Variants in MMP19 observed in about 807,000 individuals in gnomAD.
MMP19 encodes the protein matrix metalloproteinase-19.
Under a neutral mutation model 46.6 loss-of-function variants are expected in MMP19, and 47 were observed. The observed-to-expected ratio is 1.01, with a 90% confidence interval of 0.80 to 1.29. The LOEUF (loss-of-function observed/expected upper bound fraction) is 1.29, where lower values mean the gene tolerates loss of function less well. MMP19 is among the 50% of genes most tolerant of loss of function. The probability of loss-of-function intolerance (pLI) is 0.00; values close to 1 mark genes in which losing one functional copy is unlikely to be tolerated. For missense variants in MMP19, 589 were observed against 643.5 expected (o/e 0.92, Z 0.92); for synonymous variants, 222 against 248.5 (o/e 0.89, Z 1.00).
chr12:55,841,321 C>G, intron 2 of MMP19, 85 bp from the exon 3 acceptor site: 1 of 1,495,208 alleles, frequency 6.7e-7, no homozygotes, highest in Non-Finnish European at 9.2e-7. Flanking sequence ...TCCTGCTGCC[C>G]AAGTTCATGG....
chr12:55,841,510 T>TCCTTC (rs149118412), intron 2 of MMP19: 4 of 187,938 alleles, frequency 2.1e-5, no homozygotes, highest in South Asian at 3.4e-4. Flanking sequence ...TCTACTGCAA[T>TCCTTC]CTTCCTTCCT....
rs1278679742 is a variant in MMP19 at position 55,840,678 on chromosome 12, A to G, written c.509T>C (p.Phe170Ser). ...GAACTGTTGCCTACCAGGCCCATCAAAAGTATTGGAACAGTACGAGCTTTG... is the reference window on the plus strand; with the variant it reads ...GAACTGTTGCCTACCAGGCCCATCAGAAGTATTGGAACAGTACGAGCTTTG... ...GRQSSYCSNTFDGPGRVLAHA... is the reference protein window; with the variant it reads ...GRQSSYCSNTSDGPGRVLAHA... The change falls in exon 4 of 9, where the codon TTT becomes TCT. Residue 170 changes from phenylalanine (F) to serine (S), a missense_variant. Phe to Ser is a radical substitution (Grantham distance 155, BLOSUM62 -2). Transcript: ENST00000322569. 2 of 1,613,330 alleles carry G rather than the reference A, an allele frequency of 1.2e-6. No individual in the cohort carries two copies. The highest frequency in any genetic ancestry group is 2.2e-5 in the East Asian group (1 of 44,868).
In MMP19 at chr12:55,839,617, G is replaced by T; in HGVS notation, c.645C>A (p.Gly215=). 6.2e-7 allele frequency: 1 copy of T among 1,614,242 alleles called. No homozygotes were observed. Among genetic ancestry groups the T allele is most frequent in the Non-Finnish European group, 8.5e-7 (1 of 1,180,040 alleles). ...NLRIIAAHEV[G]HALGLGHSRY... Reference sequence around the variant, plus strand: ...GGGAGTGCCCAAGCCCCAGAGCATGGCCCACTTCATGGGCTGCAATGATGC... The same window carrying T: ...GGGAGTGCCCAAGCCCCAGAGCATGTCCCACTTCATGGGCTGCAATGATGC... Residue 215 remains glycine (G), a synonymous_variant, in exon 5 of 9, where the codon GGC becomes GGA. Transcript: ENST00000322569.
intron 6 of MMP19, chr12:55,838,298 C>T: frequency 1.6e-6 from 1 of 637,560 alleles, no homozygotes; most frequent in Non-Finnish European, 2.7e-6. Context: ...AGTTGTCCTT[C>T]CAACCAGGTG....
rs1881514270 is a variant in MMP19, at chr12:55,839,487, G to A, written c.766+9C>T. The A allele has an allele frequency of 6.3e-7, 1 of 1,598,872 alleles. No homozygotes were observed. The highest frequency in any genetic ancestry group is 8.6e-7 in the Non-Finnish European group (1 of 1,168,884). On this transcript the variant is annotated intron_variant, in intron 5 of 8. Coordinates refer to ENST00000322569, the MANE Select transcript of MMP19 (RefSeq NM_002429.6). ...CTGACCCTCCCCCTCACTAGGGGGA[G>A]GGACTGACCATAGAGAGCCTGGATC...
rs934933719 is a variant in MMP19 at position 55,840,796 on chromosome 12, GA to G, written c.390del (p.Gln131LysfsTer12). ...ACATTGCTCCAGTCCTGGAAGGCTT[GA>G]CGCAGGGCTGCCCGGGCTGTGTGGG... is the stretch of plus-strand genomic sequence containing the variant. ...LPPHTARAAL[R>X]QAFQDWSNVA... On this transcript the variant is annotated frameshift_variant, in exon 4 of 9. Coordinates refer to ENST00000322569, the MANE Select transcript of MMP19 (RefSeq NM_002429.6). LOFTEE classifies it high-confidence loss of function. 4.3e-6 allele frequency: 7 copies of G among 1,613,254 alleles called. No individual in the cohort carries two copies. The highest frequency in any genetic ancestry group is 5.1e-6 in the Non-Finnish European group (6 of 1,179,286).
chr12:55,842,633 G>A (rs924909677), intron 1 of MMP19, 111 bp downstream of exon 1: 1 of 955,182 alleles, frequency 1.0e-6, no homozygotes, highest in South Asian at 1.4e-5. Context: ...GGGGCAGAGA[G>A]AGCAAGGGAA....
In MMP19 at chr12:55,837,133, A is replaced by G. The variant is rs1881277038; in HGVS notation, c.1430T>C (p.Ile477Thr). The change falls in exon 9 of 9, where the codon ATA becomes ACA. Residue 477 changes from isoleucine to threonine, a missense_variant. Physicochemically the swap from Ile to Thr is moderately conservative, Grantham distance 89 (BLOSUM62 -1). Coordinates refer to ENST00000322569, the MANE Select transcript of MMP19 (RefSeq NM_002429.6). Reference sequence around the variant, plus strand: ...ATTCCCACCTGATGGGGTAGTGTCTATAGTCCGGGGACGACAGTGCATCCA... The same window carrying G: ...ATTCCCACCTGATGGGGTAGTGTCTGTAGTCCGGGGACGACAGTGCATCCA... ...HNWMHCRPRTIDTTPSGGNTT... is the reference protein window; with the variant it reads ...HNWMHCRPRTTDTTPSGGNTT... 3 of 1,614,060 alleles carry G rather than the reference A, an allele frequency of 1.9e-6. No individual in the cohort carries two copies. Among genetic ancestry groups the G allele is most frequent in the East Asian group, 2.2e-5 (1 of 44,884 alleles).
In MMP19 at chr12:55,838,624, G is replaced by C; in HGVS notation, c.877C>G (p.Leu293Val). The change falls in exon 6 of 9, where the codon CTG becomes GTG. Residue 293 changes from leucine (L) to valine (V), a missense_variant. Physicochemically the swap from Leu to Val is conservative, Grantham distance 32 (BLOSUM62 1). Transcript: ENST00000322569. ...SPMPDPCSSE[L>V]DAMMLGPRGK... ...GCCTCACCCAGCATCATGGCATCCA[G>C]TTCACTACTGCAAGGGTCTGGCATG... 1 of 1,614,222 alleles carries C rather than the reference G, an allele frequency of 6.2e-7. No individual in the cohort carries two copies.
rs954786320 is a variant in MMP19, at chr12:55,836,210, A to T, written c.*826T>A. 1 of 152,224 alleles carries T rather than the reference A, an allele frequency of 6.6e-6. No homozygotes were observed. The highest frequency in any genetic ancestry group is 1.5e-5 in the Non-Finnish European group (1 of 68,040). 9.4% of individuals were successfully genotyped at this position (152,224 alleles called of 1,614,324 possible). ...GGCTACAATGGGAGGGAGGGAGAAC[A>T]TGGGAGCATGTGAATAAAATGGCAT... On this transcript the variant is annotated 3_prime_UTR_variant, in exon 9 of 9. Transcript: ENST00000322569.
Position 55,841,175 on chromosome 12 carries a change from G to C in MMP19, c.235C>G (p.Arg79Gly). The change falls in exon 3 of 9, where the codon CGC (arginine) becomes GGC (glycine). Residue 79 changes from arginine to glycine, a missense_variant. Transcript: ENST00000322569. ...SGQLDDATRA[R>G]MRQPRCGLED... ...AGGCCACAACGAGGCTGCCTCATGC[G>C]GGCCCTTGTGGCATCATCCAGCTGA... 1.9e-6 allele frequency: 3 copies of C among 1,613,880 alleles called. No homozygotes were observed. The highest frequency in any genetic ancestry group is 2.5e-6 in the Non-Finnish European group (3 of 1,179,988).
chr12:55,841,031 C>T, intron 3 of MMP19, 75 bp downstream of exon 3: 1 of 1,583,346 alleles, frequency 6.3e-7, no homozygotes, highest in African/African-American at 1.3e-5. Context: ...CTGGTCCAGA[C>T]TGTCCTAATG....
rs770614888 is a variant in MMP19 at position 55,837,528 on chromosome 12, G to A, written c.1188+27C>T. The A allele has an allele frequency of 8.7e-6, 14 of 1,613,864 alleles. No homozygotes were observed. The East Asian group carries it at 2.5e-4, about 28-fold the overall frequency. On this transcript the variant is annotated intron_variant, in intron 8 of 8. Coordinates refer to ENST00000322569, the MANE Select transcript of MMP19 (RefSeq NM_002429.6). ...AGGTAGCCCACTCCTCCTAAGAAGG[G>A]ATTTGCCCTTGCTTTGAACTTTATA...
rs1193228474 is a variant in MMP19, at chr12:55,837,827, T to G, written c.1060+16A>C. The G allele has an allele frequency of 6.3e-7, 1 of 1,598,010 alleles. No individual in the cohort carries two copies. ...TAGGCCCTCCTCAAGTAAGACACTG[T>G]AACTAGCCTCCTTACCCTTAAAGAA... On this transcript the variant is annotated intron_variant, in intron 7 of 8. Coordinates refer to ENST00000322569, the MANE Select transcript of MMP19 (RefSeq NM_002429.6).
At chr12:55,842,568 G>T in intron 1 of MMP19, 130 bp from the exon 2 acceptor site, 1 of 894,534 alleles carries the variant, frequency 1.1e-6, no homozygotes. Flanking sequence ...GCACCTTAGA[G>T]AAGGGGCTCA....
chr12:55,838,564 G>C (rs1339875679), intron 6 of MMP19, 42 bp downstream of exon 6: 2 of 1,613,956 alleles, frequency 1.2e-6, no homozygotes, highest in East Asian at 2.2e-5. Flanking sequence ...TCAGCAGGCT[G>C]CCCCCACCGC....
chr12:55,839,739 T>A lies in MMP19; in HGVS notation c.523A>T (p.Arg175Ter). 6.2e-7 allele frequency: 1 copy of A among 1,609,512 alleles called. No homozygotes were observed. Among genetic ancestry groups the A allele is most frequent in the Non-Finnish European group, 8.5e-7 (1 of 1,177,820 alleles). The change falls in exon 5 of 9, where the codon AGA (arginine) becomes TGA (stop). Residue 175 changes from arginine to a stop codon, truncating the protein, a stop_gained and splice_region_variant. Transcript: ENST00000322569. LOFTEE classifies it high-confidence loss of function. ...GGGATGTCGGCATGGGCCAGGACTCTCCCTGGACAAAGGCAAAGGTGAACA... is the reference window on the plus strand; with the variant it reads ...GGGATGTCGGCATGGGCCAGGACTCACCCTGGACAAAGGCAAAGGTGAACA... ...YCSNTFDGPGRVLAHADIPEL... is the reference protein window; with the variant it reads ...YCSNTFDGPG
Position 55,836,988 on chromosome 12 carries a change from G to C in MMP19, c.*48C>G. 6.8e-7 allele frequency: 1 copy of C among 1,476,528 alleles called. No individual in the cohort carries two copies. Among genetic ancestry groups the C allele is most frequent in the Non-Finnish European group, 9.1e-7 (1 of 1,095,528 alleles). The allele number at this position is 1,476,528 out of a possible 1,614,324, so 91.5% of individuals were successfully genotyped here. A position where few individuals can be genotyped will look rare whatever the true frequency, so the allele number is the denominator to read the frequency against. ...TGGGGGGGAAATGAAAGGGTGGGTG[G>C]TGGAGCCTCAGGGGTTAATGTCCAA... On this transcript the variant is annotated 3_prime_UTR_variant, in exon 9 of 9. Transcript: ENST00000322569.
At chr12:55,842,269 G>T in intron 2 of MMP19, 84 bp downstream of exon 2, 1 of 1,083,966 alleles carries the variant, frequency 9.2e-7, no homozygotes, top group African/African-American at 1.5e-5. Flanking sequence ...GTCAGGAGGA[G>T]GTGGGCCTGG....
Sources: gnomAD v4.1 joint callset for allele counts on GRCh38, gnomAD v4.1.1 for gene constraint, MANE v1.5 for transcripts, NCBI Gene and HGNC (gene_info 2026-07-23, HGNC 2026-07-21) for gene names.